OSBPL3: variants seen among roughly 807,000 people sequenced by gnomAD.
OSBPL3 encodes the protein oxysterol-binding protein-related protein 3.
In OSBPL3, 65 loss-of-function variants were observed where a neutral mutation model predicts 120.1. The observed-to-expected ratio is 0.54, with a 90% CI of 0.44 to 0.67. The LOEUF (loss-of-function observed/expected upper bound fraction) is 0.67, where lower values mean the gene tolerates loss of function less well. Ranked by LOEUF, OSBPL3 falls within the 30% of genes least tolerant of loss-of-function variation. The probability of loss-of-function intolerance (pLI) is 0.00; values close to 1 mark genes in which losing one functional copy is unlikely to be tolerated. For missense variants in OSBPL3, 1,004 were observed against 1,082.1 expected (o/e 0.93, Z 1.01); for synonymous variants, 416 against 402.6 (o/e 1.03, Z -0.40).
chr7:24,949,431 A>C (rs915080352), intron 1 of OSBPL3, among the ~76,000 whole-genome samples: 1 of 152,186 alleles, frequency 6.6e-6, no homozygotes, highest in Non-Finnish European at 1.5e-5. Context: ...ACATAAATTA[A>C]TGGGGGATCT....
intron 1 of OSBPL3, among the ~76,000 whole-genome samples, chr7:24,926,895 A>T (rs906071890): frequency 4.6e-5 from 7 of 152,248 alleles, no homozygotes; most frequent in Non-Finnish European, 1.0e-4. Flanking sequence ...ATGAACTAAT[A>T]ATTGCATCCA....
intron 1 of OSBPL3, among the ~76,000 whole-genome samples, chr7:24,897,149 G>A (rs549167813): frequency 6.6e-6 from 1 of 151,928 alleles, no homozygotes; most frequent in East Asian, 1.9e-4. Flanking sequence ...AAATTAGAAG[G>A]ATTAAATAAG....
At chr7:24,838,196 T>C (rs540746090) in intron 14 of OSBPL3, among the ~76,000 whole-genome samples, 1 of 152,250 alleles carries the variant, frequency 6.6e-6, no homozygotes, top group African/African-American at 2.4e-5. Flanking sequence ...CCAGTGTTTG[T>C]TCAAGAAAGG....
rs1044533420 is a variant in OSBPL3, at chr7:24,953,171, C to T, written c.-150+26715G>A. 6.6e-6 allele frequency among the ~76,000 whole-genome samples: 1 copy of T among 152,136 alleles called. No individual in the cohort carries two copies. The highest frequency in any genetic ancestry group is 1.5e-5 in the Non-Finnish European group (1 of 68,026). ...AATAAATACATACTCTGGGCTTTTG[C>T]TAATAATACTATCTTAAAAGATTAA... On this transcript the variant is annotated intron_variant, in intron 1 of 22. Coordinates refer to ENST00000313367, the MANE Select transcript of OSBPL3 (RefSeq NM_015550.4). The surrounding 1 kb of genome is among the most constrained non-coding windows in gnomAD (Gnocchi z 4.3).
chr7:24,826,783 A>G (rs1795761729), intron 16 of OSBPL3, among the ~76,000 whole-genome samples: 1 of 152,316 alleles, frequency 6.6e-6, no homozygotes, highest in African/African-American at 2.4e-5. Flanking sequence ...ATTTCTGACC[A>G]CATGAATCAT....
At chr7:24,861,523 A>C in intron 10 of OSBPL3, 90 bp downstream of exon 10, 1 of 817,606 alleles carries the variant, frequency 1.2e-6, no homozygotes, top group Admixed American at 2.7e-5. Flanking sequence ...AAATGAACCA[A>C]CTAAGATACT....
rs1802516657 is a variant in OSBPL3 at position 24,873,997 on chromosome 7, A to G, written c.97-1928T>C. Among the ~76,000 whole-genome samples the G allele has an allele frequency of 2.6e-5, 4 of 152,212 alleles. No individual in the cohort carries two copies. The South Asian group carries it at 8.3e-4, about 31-fold the overall frequency. Reference sequence around the variant, plus strand: ...GGTTTTATCATCCCTGCTGGACAGCAGGCTCCTTGAGGGTATAAAGGGTCC... The same window carrying G: ...GGTTTTATCATCCCTGCTGGACAGCGGGCTCCTTGAGGGTATAAAGGGTCC... On this transcript the variant is annotated intron_variant, in intron 2 of 22. Coordinates refer to ENST00000313367, the MANE Select transcript of OSBPL3 (RefSeq NM_015550.4). This position sits in a 1 kb window ranked among gnomAD's most constrained non-coding sequence, Gnocchi z 4.1.
At chr7:24,878,791 T>G (rs1284828285) in intron 2 of OSBPL3, among the ~76,000 whole-genome samples, 2 of 152,182 alleles carry the variant, frequency 1.3e-5, no homozygotes, top group African/African-American at 4.8e-5. Context: ...AAACTGTAAT[T>G]TGCATGTCAA....
In OSBPL3 at chr7:24,813,257, G is replaced by T. The variant is rs1038742147; in HGVS notation, c.2172+1802C>A. On this transcript the variant is annotated intron_variant, in intron 19 of 22. Transcript: ENST00000313367. This position sits in a 1 kb window ranked among gnomAD's most constrained non-coding sequence, Gnocchi z 4.5. ...ACAAATCCAGTGCTGAGAATTTGCT[G>T]GAAGCCACCAAGGGACACTGTCACC... 3.3e-5 allele frequency among the ~76,000 whole-genome samples: 5 copies of T among 152,100 alleles called. No homozygotes were observed. Among genetic ancestry groups the T allele is most frequent in the African/African-American group, 1.2e-4 (5 of 41,356 alleles).
At position 24,834,832 on chromosome 7, in the gene OSBPL3, A is replaced by ACTCAGT; in HGVS notation, c.1496-97_1496-96insACTGAG. On this transcript the variant is annotated intron_variant, in intron 14 of 22. Coordinates refer to ENST00000313367, the MANE Select transcript of OSBPL3 (RefSeq NM_015550.4). The surrounding 1 kb of genome is among the most constrained non-coding windows in gnomAD (Gnocchi z 5.2). ...TAAAACCTTACGTAGCAAGTAGTCAATGTTACTATTAAACTCAGTTGTTCA... is the reference window on the plus strand; with the variant it reads ...TAAAACCTTACGTAGCAAGTAGTCAACTCAGTTGTTACTATTAAACTCAGTTGTTCA... 1 of 1,129,898 alleles carries ACTCAGT rather than the reference A, an allele frequency of 8.9e-7. No homozygotes were observed. Among genetic ancestry groups the ACTCAGT allele is most frequent in the South Asian group, 1.6e-5 (1 of 61,046 alleles). 70.0% of individuals were successfully genotyped at this position (1,129,898 alleles called of 1,614,324 possible).
Position 24,800,279 on chromosome 7 carries a change from C to T in OSBPL3, c.2568G>A (p.Arg856=). 1 of 1,594,588 alleles carries T rather than the reference C, an allele frequency of 6.3e-7. No homozygotes were observed. Among genetic ancestry groups the T allele is most frequent in the Non-Finnish European group, 8.6e-7 (1 of 1,162,616 alleles). ...TCACCCAAGAGTCATCGTCGGATTT[C>T]CTGTGAAAGAAGAAACAATTTCTTG... ...NHVEHQPRFF[R]KSDDDSWVSN... Residue 856 remains arginine (R), a splice_region_variant and synonymous_variant, in exon 23 of 23, where the codon AGG becomes AGA. Coordinates refer to ENST00000313367, the MANE Select transcript of OSBPL3 (RefSeq NM_015550.4).
In OSBPL3 at chr7:24,879,732, C is replaced by T. The variant is rs953143803; in HGVS notation, c.97-7663G>A. Among the ~76,000 whole-genome samples the T allele has an allele frequency of 3.3e-5, 5 of 152,170 alleles. No individual in the cohort carries two copies. Among genetic ancestry groups the T allele is most frequent in the East Asian group, 1.9e-4 (1 of 5,202 alleles). On this transcript the variant is annotated intron_variant, in intron 2 of 22. Coordinates refer to ENST00000313367, the MANE Select transcript of OSBPL3 (RefSeq NM_015550.4). The surrounding 1 kb of genome is among the most constrained non-coding windows in gnomAD (Gnocchi z 5.6). ...CATCCTGAGTTTCCAAAGAGAAAAA[C>T]GCTTTCCAACTGTATTGACCACAGA...
rs532231126 is a variant in OSBPL3 at position 24,924,577 on chromosome 7, T to A, written c.-149-31956A>T. On this transcript the variant is annotated intron_variant, in intron 1 of 22. Transcript: ENST00000313367. ...TATTGCTATGGTGACATTTACTTAG[T>A]AAACATTTCCTCAATGCCTGCCCAC... 3.3e-5 allele frequency among the ~76,000 whole-genome samples: 5 copies of A among 152,324 alleles called. No homozygotes were observed. The East Asian group carries it at 9.6e-4, about 29-fold the overall frequency.
chr7:24,943,000 T>C (rs558142050), intron 1 of OSBPL3, among the ~76,000 whole-genome samples: 1 of 152,364 alleles, frequency 6.6e-6, no homozygotes, highest in South Asian at 2.1e-4. Context: ...AAAGGTAAGA[T>C]GCTATGGCAA....
chr7:24,916,834 T>C lies in OSBPL3; in HGVS notation c.-149-24213A>G, dbSNP rs1048461236. Among the ~76,000 whole-genome samples, 1 of 152,164 alleles carries C rather than the reference T, an allele frequency of 6.6e-6. No homozygotes were observed. Among genetic ancestry groups the C allele is most frequent in the Non-Finnish European group, 1.5e-5 (1 of 68,040 alleles). On this transcript the variant is annotated intron_variant, in intron 1 of 22. Transcript: ENST00000313367. This position sits in a 1 kb window ranked among gnomAD's most constrained non-coding sequence, Gnocchi z 4.9. ...CTTCCCATGCTGGGATTCCCAGCTG[T>C]GCTGCTGTTACACCACAATGGTGAC...
At chr7:24,901,042 A>C (rs1554399675) in intron 1 of OSBPL3, among the ~76,000 whole-genome samples, 1 of 144,402 alleles carries the variant, frequency 6.9e-6, no homozygotes, top group Non-Finnish European at 1.5e-5. Context: ...AAAAAGAGAG[A>C]GAGATGGCCA....
chr7:24,805,244 TA>T lies in OSBPL3; in HGVS notation c.2445-808del, dbSNP rs1334746437. On this transcript the variant is annotated intron_variant, in intron 21 of 22. Transcript: ENST00000313367. This position sits in a 1 kb window ranked among gnomAD's most constrained non-coding sequence, Gnocchi z 4.0. ...TTTTCTCCCATAACCTCAAAGTGTA[TA>T]AAACTTCTGAATTTTTGCCAATCTG... Among the ~76,000 whole-genome samples the T allele has an allele frequency of 6.6e-6, 1 of 152,180 alleles. No homozygotes were observed. The highest frequency in any genetic ancestry group is 2.4e-5 in the African/African-American group (1 of 41,436).
chr7:24,842,598 G>A (rs993466694), intron 12 of OSBPL3, among the ~76,000 whole-genome samples, 185 bp from the exon 13 acceptor site: 1 of 152,090 alleles, frequency 6.6e-6, no homozygotes, highest in Non-Finnish European at 1.5e-5. Flanking sequence ...CCCCCAATAT[G>A]GGCACCTCAC....
chr7:24,859,852 T>C (rs935994846), intron 10 of OSBPL3, among the ~76,000 whole-genome samples: 3 of 152,232 alleles, frequency 2.0e-5, no homozygotes, highest in African/African-American at 7.2e-5. Flanking sequence ...GTGAGTATTC[T>C]ATTATATTAC....
Sources: gnomAD v4.1 joint callset for allele counts (sites outside exome capture counted in the v4.1 genomes callset) on GRCh38, gnomAD v4.1.1 for gene constraint, Gnocchi (gnomAD v3.1) non-coding constraint, MANE v1.5 for transcripts, NCBI Gene and HGNC (gene_info 2026-07-23, HGNC 2026-07-21) for gene names.